TUSC3: variants seen among roughly 807,000 people sequenced by gnomAD.
TUSC3 encodes dolichyl-diphosphooligosaccharide--protein glycosyltransferase subunit TUSC3.
A neutral mutation model predicts 44.8 loss-of-function variants in TUSC3; 45 were observed. That is an observed-to-expected ratio of 1.00 (90% CI 0.79 to 1.29). The LOEUF is 1.29. Among genes scored for constraint, TUSC3 ranks in the 50% most tolerant of loss-of-function variants. The pLI is 0.00. For synonymous variants in TUSC3, 212 were observed against 152.9 expected (o/e 1.39, Z -2.85); for missense variants, 519 against 437.9 (o/e 1.19, Z -1.65).
chr8:15,535,762 AGT>A (rs1231022888), upstream of TUSC3, among the ~76,000 whole-genome samples: 1 of 152,066 alleles, frequency 6.6e-6, no homozygotes, highest in Non-Finnish European at 1.5e-5. Flanking sequence ...AAAGTTAAGG[AGT>A]GTGTGTGTCA....
chr8:15,781,281 C>G, the TUSC3 span, among the ~76,000 whole-genome samples: 5 of 152,138 alleles, frequency 3.3e-5, no homozygotes, highest in Non-Finnish European at 7.3e-5. Flanking sequence ...GAAGTGGAAC[C>G]CCAACCTTTC....
At chr8:15,448,501 C>G (rs1311488300) in intron 1 of TUSC3, among the ~76,000 whole-genome samples, 2 of 152,086 alleles carry the variant, frequency 1.3e-5, no homozygotes, top group Non-Finnish European at 2.9e-5. Flanking sequence ...ACAGATGTCC[C>G]TCCCAACTCC....
intron 2 of TUSC3, among the ~76,000 whole-genome samples, chr8:15,520,919 C>A (rs1320867307): frequency 6.6e-6 from 1 of 152,134 alleles, no homozygotes; most frequent in Non-Finnish European, 1.5e-5. Flanking sequence ...AAGCTGTCAG[C>A]CAAAGTGGAG....
chr8:15,810,885 G>A, the TUSC3 span, among the ~76,000 whole-genome samples: 2 of 152,092 alleles, frequency 1.3e-5, no homozygotes, highest in South Asian at 4.1e-4. Context: ...TACACCTACA[G>A]AGTCATCTTA....
chr8:15,452,521 T>C (rs988394708), intron 1 of TUSC3, among the ~76,000 whole-genome samples: 2 of 152,066 alleles, frequency 1.3e-5, no homozygotes, highest in African/African-American at 4.8e-5. Flanking sequence ...AGGTAAAACA[T>C]ATTAGTACTG....
chr8:15,733,364 TCCTAACTTG>T, intron 7 of TUSC3: 3 of 405,822 alleles, frequency 7.4e-6, no homozygotes, highest in East Asian at 1.6e-4. Context: ...TTTTTTTTTT[TCCTAACTTG>T]TTTCAATCCA....
chr8:15,563,100 G>A (rs897236094), intron 1 of TUSC3, among the ~76,000 whole-genome samples: 2 of 151,980 alleles, frequency 1.3e-5, no homozygotes, highest in Non-Finnish European at 2.9e-5. Flanking sequence ...TTTAAATGGT[G>A]GCTTATAAAA....
intron 5 of TUSC3, among the ~76,000 whole-genome samples, chr8:15,669,477 A>T (rs752971520): frequency 6.6e-6 from 1 of 151,834 alleles, no homozygotes; most frequent in Admixed American, 6.6e-5. Context: ...ATGGATATAG[A>T]TGCATTTATT....
At chr8:15,496,033 T>A (rs974256416) in intron 2 of TUSC3, among the ~76,000 whole-genome samples, 2 of 152,142 alleles carry the variant, frequency 1.3e-5, no homozygotes, top group African/African-American at 4.8e-5. Context: ...CAGAATCCCA[T>A]CACCCTTATT....
At chr8:15,837,417 G>A in the TUSC3 span, among the ~76,000 whole-genome samples, 8 of 151,948 alleles carry the variant, frequency 5.3e-5, no homozygotes, top group African/African-American at 1.4e-4. Context: ...CTAATTATAC[G>A]TACATTGGAT....
At chr8:15,575,531 C>T (rs555553660) in intron 1 of TUSC3, among the ~76,000 whole-genome samples, 1 of 152,134 alleles carries the variant, frequency 6.6e-6, no homozygotes, top group East Asian at 1.9e-4. Context: ...ATTGGGAGGC[C>T]GAGGTTAGGC....
At chr8:15,603,729 G>C (rs1336047146) in intron 1 of TUSC3, among the ~76,000 whole-genome samples, 1 of 151,510 alleles carries the variant, frequency 6.6e-6, no homozygotes, top group Non-Finnish European at 1.5e-5. Context: ...GAATGGAATG[G>C]AATAGGAAAG....
intron 6 of TUSC3, among the ~76,000 whole-genome samples, chr8:15,730,380 CA>C (rs998771811): frequency 6.6e-6 from 1 of 152,010 alleles, no homozygotes; most frequent in Non-Finnish European, 1.5e-5. Flanking sequence ...CTACAGGAAT[CA>C]TATTTTATGT....
intron 1 of TUSC3, among the ~76,000 whole-genome samples, chr8:15,468,890 A>G (rs1462692874): frequency 2.0e-5 from 3 of 151,972 alleles, no homozygotes; most frequent in Non-Finnish European, 4.4e-5. Flanking sequence ...AAAAAGGAAT[A>G]ATCTGAGTTA....
At chr8:15,499,026 C>T (rs1390054) in intron 2 of TUSC3, among the ~76,000 whole-genome samples, 37,709 of 151,410 alleles carry the variant, frequency 0.25, 5,078 homozygotes, top group Non-Finnish European at 0.31. Context: ...TTTTTTTCTC[C>T]TGTGGGTTCC....
intron 2 of TUSC3, among the ~76,000 whole-genome samples, chr8:15,507,480 C>CT (rs535534108): frequency 1.3e-5 from 2 of 152,148 alleles, no homozygotes; most frequent in East Asian, 1.9e-4. Flanking sequence ...GGAAAAGCAT[C>CT]TTTTTTTGTA....
At chr8:15,721,142 C>T (rs1368978797) in intron 6 of TUSC3, among the ~76,000 whole-genome samples, 1 of 151,936 alleles carries the variant, frequency 6.6e-6, no homozygotes, top group Non-Finnish European at 1.5e-5. Context: ...CTAATCACCC[C>T]ATAAGTAAGA....
At chr8:15,669,775 A>G (rs1460442701) in intron 5 of TUSC3, among the ~76,000 whole-genome samples, 1 of 151,774 alleles carries the variant, frequency 6.6e-6, no homozygotes, top group Non-Finnish European at 1.5e-5. Context: ...TGAGATAAGG[A>G]ATAATACAAG....
At chr8:15,792,422 A>C in the TUSC3 span, among the ~76,000 whole-genome samples, 3 of 152,168 alleles carry the variant, frequency 2.0e-5, no homozygotes, top group African/African-American at 4.8e-5. Flanking sequence ...TTTGAGATAC[A>C]AACAGTGACT....
Sources: gnomAD v4.1 joint callset for allele counts (sites outside exome capture counted in the v4.1 genomes callset) on GRCh38, gnomAD v4.1.1 for gene constraint, MANE v1.5 for transcripts, NCBI Gene and HGNC (gene_info 2026-07-23, HGNC 2026-07-21) for gene names.